The following RFC2 variants were observed in gnomAD, a reference collection of about 807,000 sequenced individuals.
The protein encoded by RFC2 is replication factor C subunit 2, also known as A1 40 kDa subunit.
Under a neutral mutation model 44.8 loss-of-function variants are expected in RFC2, and 34 were observed. The ratio of observed to expected loss-of-function variants is 0.76; its 90% CI spans 0.58 to 1.01. The LOEUF (loss-of-function observed/expected upper bound fraction) is 1.01. RFC2 is among the 50% of genes least tolerant of loss of function. The pLI is 0.00. For missense variants in RFC2, 400 were observed against 453.6 expected (o/e 0.88, Z 1.07); for synonymous variants, 177 against 168.9 (o/e 1.05, Z -0.37).
intron 5 of RFC2, among the ~76,000 whole-genome samples, chr7:74,246,440 G>C (rs953039194): frequency 6.6e-6 from 1 of 150,478 alleles, no homozygotes; most frequent in South Asian, 2.1e-4. Flanking sequence ...AATTATTAAC[G>C]TAAGAGATGC....
At chr7:74,239,069 C>T in intron 7 of RFC2, 81 bp from the exon 8 acceptor site, 1 of 1,167,942 alleles carries the variant, frequency 8.6e-7, no homozygotes, top group Admixed American at 1.9e-5. Flanking sequence ...CGCTATGTTG[C>T]CCAGGCTGGT....
intron 6 of RFC2, 131 bp downstream of exon 6, chr7:74,243,015 T>C (rs1803423091): frequency 1.6e-6 from 1 of 618,618 alleles, no homozygotes; most frequent in Non-Finnish European, 2.9e-6. Context: ...GCACAGGAGT[T>C]TGAGGCTGCA....
At chr7:74,233,971 C>G (rs1423206937) in intron 10 of RFC2, 1 of 450,644 alleles carries the variant, frequency 2.2e-6, no homozygotes, top group African/African-American at 2.0e-5. Flanking sequence ...AAAAGAAAAA[C>G]TTAACATTTG....
chr7:74,235,716 C>T (rs1185889040), intron 9 of RFC2, 71 bp from the exon 10 acceptor site: 2 of 1,057,782 alleles, frequency 1.9e-6, no homozygotes, highest in Non-Finnish European at 3.0e-6. Flanking sequence ...TTGAGACTCA[C>T]CACAGCTGGT....
At chr7:74,234,746 C>T (rs933825003) in intron 10 of RFC2, among the ~76,000 whole-genome samples, 1 of 152,066 alleles carries the variant, frequency 6.6e-6, no homozygotes, top group Non-Finnish European at 1.5e-5. Context: ...CACCTCCCTC[C>T]GTTCTCAACA....
At chr7:74,233,950 C>G (rs1406473032) in intron 10 of RFC2, 1 of 452,486 alleles carries the variant, frequency 2.2e-6, no homozygotes. Flanking sequence ...CCCCTGGGAA[C>G]TTACTTGGGA....
intron 3 of RFC2, 147 bp downstream of exon 3, chr7:74,249,592 G>T (rs915333095): frequency 3.1e-6 from 2 of 635,282 alleles, no homozygotes; most frequent in African/African-American, 1.9e-5. Context: ...CCAACCCCAG[G>T]CCTCCCAACT....
intron 8 of RFC2, 115 bp from the exon 9 acceptor site, chr7:74,237,557 T>G: frequency 1.9e-6 from 1 of 528,874 alleles, no homozygotes; most frequent in East Asian, 3.1e-5. Context: ...ACCTGTTGTT[T>G]TCATCAAATT....
At chr7:74,248,690 C>T (rs1563998297) in intron 4 of RFC2, among the ~76,000 whole-genome samples, 1 of 151,806 alleles carries the variant, frequency 6.6e-6, no homozygotes, top group Admixed American at 6.6e-5. Context: ...TTAGTGGAGA[C>T]GGGGTTTCAC....
chr7:74,232,724 G>A (rs1802798666), intron 10 of RFC2, among the ~76,000 whole-genome samples: 1 of 152,170 alleles, frequency 6.6e-6, no homozygotes, highest in East Asian at 1.9e-4. Context: ...AATTAGCCAG[G>A]TATGGTGGCG....
intron 10 of RFC2, among the ~76,000 whole-genome samples, chr7:74,234,447 CAATT>C (rs1802893883): frequency 6.6e-6 from 1 of 152,012 alleles, no homozygotes; most frequent in Non-Finnish European, 1.5e-5. Flanking sequence ...AATTAAACCT[CAATT>C]AATCTAACCT....
At chr7:74,241,892 G>A (rs781905666) in intron 6 of RFC2, among the ~76,000 whole-genome samples, 3 of 152,166 alleles carry the variant, frequency 2.0e-5, no homozygotes, top group East Asian at 1.9e-4. Context: ...TCCAGGCAGC[G>A]GAGATAGCAG....
chr7:74,234,532 ACTTGGTC>A (rs1204271024), intron 10 of RFC2, among the ~76,000 whole-genome samples: 8 of 152,110 alleles, frequency 5.3e-5, no homozygotes, highest in Non-Finnish European at 1.2e-4. Flanking sequence ...TGTGAAACAA[ACTTGGTC>A]CTCAGGACAA....
Position 74,244,886 on chromosome 7 carries a change from C to T in RFC2, c.435-1640G>A, listed in dbSNP as rs542419469. ...GGCTGAGGTGGAGGATCATTACAGC[C>T]GAGGAGTTCAAGGTTGCAGTGAGCT... On this transcript the variant is annotated intron_variant, in intron 5 of 10. Coordinates refer to ENST00000055077, the MANE Select transcript of RFC2 (RefSeq NM_181471.3). Among the ~76,000 whole-genome samples the T allele has an allele frequency of 5.3e-5, 8 of 151,858 alleles. 1 individual carries two copies. The South Asian group carries it at 1.5e-3, about 28-fold the overall frequency.
intron 9 of RFC2, 40 bp downstream of exon 9, chr7:74,237,322 T>G: frequency 1.2e-5 from 17 of 1,432,848 alleles, no homozygotes; most frequent in Non-Finnish European, 1.7e-5. Flanking sequence ...GCCCAAGAAG[T>G]GAGCGGTTCC....
intron 7 of RFC2, among the ~76,000 whole-genome samples, chr7:74,239,393 G>C (rs1489978416): frequency 1.3e-5 from 2 of 151,780 alleles, no homozygotes; most frequent in Non-Finnish European, 2.9e-5. Context: ...GTGCAGTGGT[G>C]CTATCTCAGC....
chr7:74,246,256 G>A (rs1379051897), intron 5 of RFC2, among the ~76,000 whole-genome samples: 3 of 150,562 alleles, frequency 2.0e-5, no homozygotes, highest in South Asian at 4.2e-4. Flanking sequence ...AAAATTAGCC[G>A]GGTGTGGCGG....
At position 74,249,879 on chromosome 7, in the gene RFC2, C is replaced by T. The variant is rs782721098; in HGVS notation, c.184-99G>A. On this transcript the variant is annotated intron_variant, in intron 2 of 10. Coordinates refer to ENST00000055077, the MANE Select transcript of RFC2 (RefSeq NM_181471.3). ...AACAAACAAGCAGGTTAAAACTCGG[C>T]TGAGCACAATGGCTCAGGCCTGTAA... The T allele has an allele frequency of 5.6e-6, 6 of 1,064,740 alleles. No individual in the cohort carries two copies. The East Asian group carries it at 1.2e-4, about 21-fold the overall frequency. The allele number at this position is 1,064,740 out of a possible 1,614,324, so 66.0% of individuals were successfully genotyped here. A position where few individuals can be genotyped will look rare whatever the true frequency, so the allele number is the denominator to read the frequency against.
At chr7:74,247,647 A>C (rs1260472968) in intron 4 of RFC2, among the ~76,000 whole-genome samples, 4 of 152,190 alleles carry the variant, frequency 2.6e-5, no homozygotes, top group Non-Finnish European at 4.4e-5. Flanking sequence ...CTCAAAAAAA[A>C]AGAAAGAAAG....
Sources: allele counts gnomAD v4.1 joint callset (sites outside exome capture counted in the v4.1 genomes callset), GRCh38; gene constraint gnomAD v4.1.1; transcripts MANE v1.5; gene names NCBI Gene and HGNC (gene_info 2026-07-23, HGNC 2026-07-21).